Variants in UNC13C observed in about 807,000 individuals in gnomAD.
UNC13C encodes the protein unc-13 homolog C.
Under a neutral mutation model 245.4 loss-of-function variants are expected in UNC13C, and 174 were observed. The observed-to-expected ratio is 0.71, with a 90% CI of 0.63 to 0.80. The LOEUF is 0.80. Ranked by LOEUF, UNC13C falls within the 30% of genes least tolerant of loss-of-function variation. The probability of loss-of-function intolerance (pLI) is 0.00; values close to 1 mark genes in which losing one functional copy is unlikely to be tolerated. For synonymous variants in UNC13C, 992 were observed against 895.1 expected (o/e 1.11, Z -1.93); for missense variants, 2,829 against 2,602.9 (o/e 1.09, Z -1.89).
chr15:54,570,360 C>T (rs777252969), intron 30 of UNC13C, among the ~76,000 whole-genome samples: 1 of 152,160 alleles, frequency 6.6e-6, no homozygotes, highest in Non-Finnish European at 1.5e-5. Flanking sequence ...AAAACTCATA[C>T]ATTTTTTTCA....
At chr15:53,944,024 T>C in the UNC13C span, among the ~76,000 whole-genome samples, 1 of 152,148 alleles carries the variant, frequency 6.6e-6, no homozygotes, top group Non-Finnish European at 1.5e-5. Flanking sequence ...TTGAAGTTTC[T>C]GGTAGACAGC....
chr15:54,038,174 T>TGAGTTGC (rs1896671599), intron 2 of UNC13C, among the ~76,000 whole-genome samples: 1 of 134,000 alleles, frequency 7.5e-6, no homozygotes, highest in Non-Finnish European at 1.5e-5. Flanking sequence ...CAAGCTGGAG[T>TGAGTTGC]ACAGTGGTGT....
intron 2 of UNC13C, among the ~76,000 whole-genome samples, chr15:54,059,917 G>C (rs1355880434): frequency 1.3e-5 from 2 of 152,070 alleles, no homozygotes; most frequent in African/African-American, 2.4e-5. Context: ...TAGCCATATG[G>C]AGAAAGCTGA....
At chr15:54,195,429 G>T (rs2034321458) in intron 4 of UNC13C, among the ~76,000 whole-genome samples, 1 of 152,166 alleles carries the variant, frequency 6.6e-6, no homozygotes, top group Non-Finnish European at 1.5e-5. Flanking sequence ...GAGCTGTGGG[G>T]ATGCGAATTC....
chr15:53,971,690 T>C, the UNC13C span, among the ~76,000 whole-genome samples: 865 of 152,320 alleles, frequency 5.7e-3, 10 homozygotes, highest in African/African-American at 0.02. Flanking sequence ...GAAATATATC[T>C]GGAAACTGGA....
the UNC13C span, among the ~76,000 whole-genome samples, chr15:53,923,721 C>T: frequency 8.5e-5 from 13 of 152,052 alleles, no homozygotes; most frequent in Non-Finnish European, 1.3e-4. Flanking sequence ...TGTGCTTCTT[C>T]CTTGGAATGG....
chr15:54,114,774 A>G (rs1461627457), intron 2 of UNC13C, among the ~76,000 whole-genome samples: 1 of 152,188 alleles, frequency 6.6e-6, no homozygotes, highest in Non-Finnish European at 1.5e-5. Context: ...TTATTTCTTC[A>G]GAATCTTTGT....
chr15:54,416,910 AT>A (rs1374600724), intron 19 of UNC13C: 1 of 456,260 alleles, frequency 2.2e-6, no homozygotes, highest in South Asian at 1.5e-5. Flanking sequence ...TGCATGAGGG[AT>A]TTTTTGGCCA....
chr15:54,013,713 C>A lies in UNC13C; in HGVS notation c.810C>A (p.Leu270=). The part of the protein sequence containing the change: ...LSELRGHVNA[L]KHSIDEISSS... ...AACTACGAGGGCACGTCAATGCTCT[C>A]AAGCACTCCATCGATGAGATCTCCA... Residue 270 remains leucine, a synonymous_variant, in exon 2 of 33, where the codon CTC becomes CTA. Coordinates refer to ENST00000260323, the MANE Select transcript of UNC13C (RefSeq NM_001080534.3). 6.2e-7 allele frequency: 1 copy of A among 1,613,322 alleles called. No individual in the cohort carries two copies. Among genetic ancestry groups the A allele is most frequent in the Non-Finnish European group, 8.5e-7 (1 of 1,179,608 alleles).
rs924753017 is a variant in UNC13C at position 54,030,044 on chromosome 15, C to G, written c.2983+14158C>G. On this transcript the variant is annotated intron_variant, in intron 2 of 32. Coordinates refer to ENST00000260323, the MANE Select transcript of UNC13C (RefSeq NM_001080534.3). ...CTGAACCCAAGTCTGGAGGTCTTAG[C>G]TGAGTCAAGTCCCTATTGTCTGCTG... 2.0e-5 allele frequency among the ~76,000 whole-genome samples: 3 copies of G among 152,282 alleles called. No individual in the cohort carries two copies. The East Asian group carries it at 5.8e-4, about 29-fold the overall frequency.
At position 54,399,140 on chromosome 15, in the gene UNC13C, G is replaced by A. The variant is rs149351632; in HGVS notation, c.4847+5959G>A. ...GTGGAGTGTTAAGGAAGAAAGTAGA[G>A]ACCATGGAAATGTCATATTTATAGG... On this transcript the variant is annotated intron_variant, in intron 18 of 32. Coordinates refer to ENST00000260323, the MANE Select transcript of UNC13C (RefSeq NM_001080534.3). Among the ~76,000 whole-genome samples the A allele has an allele frequency of 1.2e-3, 187 of 151,622 alleles. 1 individual carries two copies. The highest frequency in any genetic ancestry group is 4.1e-3 in the African/African-American group (170 of 41,482).
chr15:53,998,307 A>G (rs1432741009), intron 1 of UNC13C, among the ~76,000 whole-genome samples: 1 of 152,156 alleles, frequency 6.6e-6, no homozygotes, highest in East Asian at 1.9e-4. Context: ...CTCTTTAGTT[A>G]TGCCTTAATT....
intron 2 of UNC13C, among the ~76,000 whole-genome samples, chr15:54,108,714 G>A (rs924755763): frequency 6.6e-5 from 10 of 152,266 alleles, no homozygotes; most frequent in African/African-American, 2.4e-4. Flanking sequence ...GCTATAATGT[G>A]ACTTTCTCTG....
chr15:54,315,756 T>A (rs2037992328), intron 13 of UNC13C, among the ~76,000 whole-genome samples: 1 of 151,806 alleles, frequency 6.6e-6, no homozygotes, highest in Non-Finnish European at 1.5e-5. Flanking sequence ...TTTTTTCAAT[T>A]TTTAGTTCCC....
intron 19 of UNC13C, among the ~76,000 whole-genome samples, chr15:54,450,577 G>A (rs991070956): frequency 6.6e-6 from 1 of 152,216 alleles, no homozygotes; most frequent in Non-Finnish European, 1.5e-5. Context: ...AGCCAGACGT[G>A]GGATATAATC....
chr15:54,486,943 C>T (rs1893446424), intron 19 of UNC13C, among the ~76,000 whole-genome samples: 1 of 152,088 alleles, frequency 6.6e-6, no homozygotes, highest in Non-Finnish European at 1.5e-5. Flanking sequence ...TAGATCTAGA[C>T]CAGAACTAGA....
At chr15:54,051,547 A>G (rs1259365620) in intron 2 of UNC13C, among the ~76,000 whole-genome samples, 1 of 152,090 alleles carries the variant, frequency 6.6e-6, no homozygotes, top group African/African-American at 2.4e-5. Flanking sequence ...GTATCTGGTA[A>G]CACTAGCTGC....
intron 19 of UNC13C, among the ~76,000 whole-genome samples, chr15:54,480,331 C>T (rs1429674687): frequency 6.6e-6 from 1 of 151,182 alleles, no homozygotes; most frequent in Non-Finnish European, 1.5e-5. Context: ...TTTCTTCTCA[C>T]CCTCTGGGAC....
At chr15:54,106,797 A>G (rs1193691666) in intron 2 of UNC13C, among the ~76,000 whole-genome samples, 1 of 152,208 alleles carries the variant, frequency 6.6e-6, no homozygotes, top group Non-Finnish European at 1.5e-5. Flanking sequence ...AATGGCAACT[A>G]GACAATAGTG....
Sources: allele counts gnomAD v4.1 joint callset (sites outside exome capture counted in the v4.1 genomes callset), GRCh38; gene constraint gnomAD v4.1.1; transcripts MANE v1.5; gene names NCBI Gene and HGNC (gene_info 2026-07-23, HGNC 2026-07-21).